Variants in FSIP1 observed in about 807,000 individuals in gnomAD.
The protein encoded by FSIP1 is fibrous sheath interacting protein 1, also known as fibrous sheath-interacting protein 1.
Under a neutral mutation model 60.9 loss-of-function variants are expected in FSIP1, and 65 were observed. The ratio of observed to expected loss-of-function variants is 1.07; its 90% CI spans 0.87 to 1.31. FSIP1 has a LOEUF of 1.31. FSIP1 is among the 40% of genes most tolerant of loss of function. The pLI is 0.00. For synonymous variants in FSIP1, 209 were observed against 221.2 expected (o/e 0.94, Z 0.49); for missense variants, 675 against 665.5 (o/e 1.01, Z -0.16).
At chr15:39,611,111 T>C (rs1891013096) in intron 11 of FSIP1, among the ~76,000 whole-genome samples, 2 of 152,212 alleles carry the variant, frequency 1.3e-5, no homozygotes. Context: ...GAATTTTCTC[T>C]GTATTATGAG....
chr15:39,689,854 C>T (rs1338803121), intron 10 of FSIP1, among the ~76,000 whole-genome samples: 2 of 152,188 alleles, frequency 1.3e-5, no homozygotes, highest in South Asian at 2.1e-4. Flanking sequence ...AGTCCATTAT[C>T]ATTTTCTACC....
chr15:39,685,913 A>G (rs543227626), intron 10 of FSIP1, among the ~76,000 whole-genome samples: 4 of 152,170 alleles, frequency 2.6e-5, no homozygotes, highest in African/African-American at 7.2e-5. Context: ...GACCATTCCA[A>G]TGGAATGGGA....
At chr15:39,643,204 A>G (rs903633620) in intron 10 of FSIP1, among the ~76,000 whole-genome samples, 8 of 152,270 alleles carry the variant, frequency 5.3e-5, no homozygotes, top group African/African-American at 1.7e-4. Context: ...AAGATCCAAC[A>G]TATGAAGTGG....
chr15:39,652,933 T>C (rs778550065), intron 10 of FSIP1, among the ~76,000 whole-genome samples: 29 of 152,114 alleles, frequency 1.9e-4, no homozygotes, highest in Admixed American at 1.2e-3. Flanking sequence ...CCCAGCACTT[T>C]GGGAGGTTGA....
chr15:39,722,678 C>A (rs1450851226), intron 9 of FSIP1, among the ~76,000 whole-genome samples: 1 of 152,146 alleles, frequency 6.6e-6, no homozygotes, highest in Non-Finnish European at 1.5e-5. Flanking sequence ...TTCTATGAAT[C>A]TGGGCACTTT....
chr15:39,643,780 C>G (rs1892473473), intron 10 of FSIP1, among the ~76,000 whole-genome samples: 1 of 152,204 alleles, frequency 6.6e-6, no homozygotes, highest in Admixed American at 6.5e-5. Context: ...ACATCCATAA[C>G]AAAAGTGCCT....
At chr15:39,603,911 T>C (rs1890731178) in intron 11 of FSIP1, among the ~76,000 whole-genome samples, 1 of 152,168 alleles carries the variant, frequency 6.6e-6, no homozygotes, top group African/African-American at 2.4e-5. Flanking sequence ...AAATTCAGGC[T>C]CTGATTCAGT....
At chr15:39,699,943 G>A (rs1336073471) in intron 10 of FSIP1, among the ~76,000 whole-genome samples, 1 of 152,196 alleles carries the variant, frequency 6.6e-6, no homozygotes, top group African/African-American at 2.4e-5. Flanking sequence ...GAGCTGCACT[G>A]CCTGAGGATG....
intron 10 of FSIP1, among the ~76,000 whole-genome samples, chr15:39,694,589 T>C (rs1894736060): frequency 6.6e-6 from 1 of 152,028 alleles, no homozygotes; most frequent in African/African-American, 2.4e-5. Flanking sequence ...TCACTTGAGG[T>C]AAGGAGTTTG....
At chr15:39,621,972 C>T (rs11857819) in intron 10 of FSIP1, among the ~76,000 whole-genome samples, 22,888 of 152,080 alleles carry the variant, frequency 0.15, 1,911 homozygotes, top group East Asian at 0.32. Context: ...TTTTTTAAGG[C>T]ACTATATTGA....
chr15:39,669,405 G>T (rs1158630896), intron 10 of FSIP1, among the ~76,000 whole-genome samples: 1 of 152,182 alleles, frequency 6.6e-6, no homozygotes, highest in Non-Finnish European at 1.5e-5. Context: ...TATCTTGGCA[G>T]TGCTTCTAAA....
At chr15:39,696,703 T>C (rs769726859) in intron 10 of FSIP1, among the ~76,000 whole-genome samples, 1 of 152,090 alleles carries the variant, frequency 6.6e-6, no homozygotes, top group African/African-American at 2.4e-5. Flanking sequence ...CCTCATTCAA[T>C]AGACACACTC....
Position 39,741,828 on chromosome 15 carries a change from A to C in FSIP1, c.632T>G (p.Met211Arg). ...HTQIPPEEYE[M>R]QMQKLNKDFT... Reference sequence around the variant, plus strand: ...ACCTTTATTGAGTTTCTGCATCTGCATTTCATATTCTTCTGGAGGGATTTG... The same window carrying C: ...ACCTTTATTGAGTTTCTGCATCTGCCTTTCATATTCTTCTGGAGGGATTTG... The change falls in exon 6 of 12, where the codon ATG (methionine) becomes AGG (arginine). Residue 211 changes from methionine to arginine, a missense_variant. By Grantham distance (91) the Met-to-Arg change is moderately conservative. Coordinates refer to ENST00000350221, the MANE Select transcript of FSIP1 (RefSeq NM_152597.5). 1.9e-6 allele frequency: 3 copies of C among 1,595,808 alleles called. No individual in the cohort carries two copies. The highest frequency in any genetic ancestry group is 2.6e-6 in the Non-Finnish European group (3 of 1,164,080).
At chr15:39,715,730 G>C (rs1895713649) in intron 9 of FSIP1, among the ~76,000 whole-genome samples, 1 of 152,162 alleles carries the variant, frequency 6.6e-6, no homozygotes, top group South Asian at 2.1e-4. Context: ...CGCCTGGTGG[G>C]AGGTGATTGG....
intron 10 of FSIP1, among the ~76,000 whole-genome samples, chr15:39,664,628 G>A (rs951046258): frequency 2.0e-5 from 3 of 152,106 alleles, no homozygotes; most frequent in African/African-American, 7.2e-5. Flanking sequence ...AATCTCAGAT[G>A]ATGACCTTAC....
rs577320314 is a variant in FSIP1 at position 39,754,954 on chromosome 15, G to A, written c.559+8867C>T. On this transcript the variant is annotated intron_variant, in intron 5 of 11. Coordinates refer to ENST00000350221, the MANE Select transcript of FSIP1 (RefSeq NM_152597.5). ...GAAAATACAGACACTGAAAAGTTAA[G>A]AAGTAAATGGAAGTTGACCAGGTAG... Among the ~76,000 whole-genome samples the A allele has an allele frequency of 2.4e-4, 37 of 152,092 alleles. No homozygotes were observed. In the South Asian group the frequency reaches 3.9e-3, roughly 16 times the overall value.
rs139000832 is a variant in FSIP1 at position 39,661,593 on chromosome 15, T to A, written c.1189-43348A>T. On this transcript the variant is annotated intron_variant, in intron 10 of 11. Transcript: ENST00000350221. ...GATGACCAGGTATTTTTCTGGACAGTACGAGTGGAAATTCATTTTGCCCAA... is the reference window on the plus strand; with the variant it reads ...GATGACCAGGTATTTTTCTGGACAGAACGAGTGGAAATTCATTTTGCCCAA... Among the ~76,000 whole-genome samples the A allele has an allele frequency of 8.5e-5, 13 of 152,346 alleles. No homozygotes were observed. In the East Asian group the frequency reaches 2.5e-3, roughly 29 times the overall value.
Position 39,763,890 on chromosome 15 carries a change from G to A in FSIP1, c.490C>T (p.Gln164Ter). ...GTATTTTCCATCTCCTCTTTACTTT[G>A]CCAAGCTTCACTATATTTTGCAGAC... ...IKSAKYSEAWQSKEEMENTKK... is the reference protein window; with the variant it reads ...IKSAKYSEAW Residue 164 changes from glutamine (Q) to a stop codon, truncating the protein, a stop_gained, in exon 5 of 12, where the codon CAA becomes TAA. Coordinates refer to ENST00000350221, the MANE Select transcript of FSIP1 (RefSeq NM_152597.5). LOFTEE classifies it high-confidence loss of function. 6.3e-7 allele frequency: 1 copy of A among 1,594,130 alleles called. No homozygotes were observed. The highest frequency in any genetic ancestry group is 8.6e-7 in the Non-Finnish European group (1 of 1,162,984).
intron 10 of FSIP1, among the ~76,000 whole-genome samples, chr15:39,683,349 A>G (rs1260791365): frequency 6.6e-6 from 1 of 152,226 alleles, no homozygotes; most frequent in East Asian, 1.9e-4. Flanking sequence ...TCATCAATCA[A>G]TGCAGAAAAG....
Sources: gnomAD v4.1 joint callset for allele counts (sites outside exome capture counted in the v4.1 genomes callset) on GRCh38, gnomAD v4.1.1 for gene constraint, MANE v1.5 for transcripts, NCBI Gene and HGNC (gene_info 2026-07-23, HGNC 2026-07-21) for gene names.